MIB1: variants seen among roughly 807,000 people sequenced by gnomAD.
MIB1 encodes MIB E3 ubiquitin protein ligase 1, also known as E3 ubiquitin-protein ligase MIB1.
Under a neutral mutation model 124.5 loss-of-function variants are expected in MIB1, and 278 were observed. The ratio of observed to expected loss-of-function variants is 2.23; its 90% CI spans 2.02 to 2.47. The LOEUF (loss-of-function observed/expected upper bound fraction) is 2.47, where lower values mean the gene tolerates loss of function less well. Ranked by LOEUF, MIB1 falls within the 30% of genes most tolerant of loss-of-function variation. The pLI, the probability that MIB1 is intolerant of heterozygous loss-of-function variation, is 0.00. For synonymous variants in MIB1, 446 were observed against 429.4 expected, an observed-to-expected ratio of 1.04 and a Z score of -0.48; for missense variants, 957 against 1,254.4, an observed-to-expected ratio of 0.76 and a Z score of 3.58.
At chr18:21,735,757 C>T (rs777013121) in intron 1 of MIB1, among the ~76,000 whole-genome samples, 5 of 152,164 alleles carry the variant, frequency 3.3e-5, no homozygotes, top group East Asian at 1.9e-4. Context: ...ACAAAGCTGC[C>T]GGAAGTTCGA....
intron 13 of MIB1, among the ~76,000 whole-genome samples, chr18:21,839,326 G>A (rs992763145): frequency 6.6e-6 from 1 of 152,006 alleles, no homozygotes; most frequent in Admixed American, 6.6e-5. Flanking sequence ...TAAAATTACT[G>A]CTCTCTGTTA....
intron 6 of MIB1, among the ~76,000 whole-genome samples, chr18:21,783,671 T>C (rs536745023): frequency 3.0e-4 from 46 of 152,296 alleles, no homozygotes; most frequent in African/African-American, 1.1e-3. Flanking sequence ...TCTTCCTTTT[T>C]TTTTTCTTGC....
chr18:21,834,749 T>A (rs1189227045), intron 12 of MIB1, among the ~76,000 whole-genome samples: 1 of 151,986 alleles, frequency 6.6e-6, no homozygotes, highest in Non-Finnish European at 1.5e-5. Context: ...TCTGGGAAAC[T>A]GTCACAACCA....
chr18:21,828,794 C>T (rs2041950813), intron 12 of MIB1: 1 of 189,330 alleles, frequency 5.3e-6, no homozygotes, highest in African/African-American at 2.4e-5. Flanking sequence ...TAATTGAAAT[C>T]TACTTCACTG....
intron 1 of MIB1, among the ~76,000 whole-genome samples, chr18:21,745,009 G>A (rs1405538850): frequency 6.6e-6 from 1 of 152,188 alleles, no homozygotes; most frequent in East Asian, 1.9e-4. Flanking sequence ...CTCTATTTGA[G>A]CACATAGAAG....
intron 6 of MIB1, among the ~76,000 whole-genome samples, chr18:21,788,416 C>T (rs2041461819): frequency 1.3e-5 from 2 of 152,180 alleles, no homozygotes; most frequent in African/African-American, 4.8e-5. Context: ...CAAAATCCAA[C>T]ACCCTTTCGT....
intron 1 of MIB1, among the ~76,000 whole-genome samples, chr18:21,705,581 T>C (rs1393067916): frequency 6.6e-6 from 1 of 152,196 alleles, no homozygotes; most frequent in Non-Finnish European, 1.5e-5. Flanking sequence ...CCTACTCTTA[T>C]GAACTCCTTC....
chr18:21,725,852 A>G (rs2040739517), intron 1 of MIB1, among the ~76,000 whole-genome samples: 1 of 152,220 alleles, frequency 6.6e-6, no homozygotes, highest in African/African-American at 2.4e-5. Flanking sequence ...AGATACCATT[A>G]TTTTAATAAA....
At chr18:21,711,637 G>A (rs1205124942) in intron 1 of MIB1, among the ~76,000 whole-genome samples, 4 of 151,862 alleles carry the variant, frequency 2.6e-5, no homozygotes, top group Non-Finnish European at 5.9e-5. Context: ...GGATAAAGCC[G>A]ATGACTTTCC....
rs1309504458 is a variant in MIB1, at chr18:21,846,968, G to T, written c.2236G>T (p.Gly746Trp). 1.2e-6 allele frequency: 2 copies of T among 1,613,884 alleles called. No individual in the cohort carries two copies. The highest frequency in any genetic ancestry group is 4.5e-5 in the East Asian group (2 of 44,870). Reference sequence around the variant, plus strand: ...GTTAATAATGGGACTTGGTACCCAGGGGGCAGAGAAGAAGAGTGCAGCATC... The same window carrying T: ...GTTAATAATGGGACTTGGTACCCAGTGGGCAGAGAAGAAGAGTGCAGCATC... ...NTLIMGLGTQ[G>W]AEKKSAASIA... Residue 746 changes from glycine to tryptophan, a missense_variant, in exon 16 of 21, where the codon GGG (glycine) becomes TGG (tryptophan). Coordinates refer to ENST00000261537, the MANE Select transcript of MIB1 (RefSeq NM_020774.4).
At chr18:21,812,787 A>G (rs2041789226) in intron 10 of MIB1, among the ~76,000 whole-genome samples, 1 of 152,206 alleles carries the variant, frequency 6.6e-6, no homozygotes, top group South Asian at 2.1e-4. Context: ...AGATAATCTT[A>G]TAGAGGTTAG....
Position 21,740,846 on chromosome 18 carries a change from A to T in MIB1, c.-738A>T, listed in dbSNP as rs2040839563. ...AGTTTTCTCCTCCTTTCTTCCCGCG[A>T]TCGCGCGGCTCTCTGGAAGCCTTCC... On this transcript the variant is annotated 5_prime_UTR_variant, in exon 1 of 21. Transcript: ENST00000261537. Among the ~76,000 whole-genome samples, 1 of 152,240 alleles carries T rather than the reference A, an allele frequency of 6.6e-6. No homozygotes were observed. The highest frequency in any genetic ancestry group is 2.4e-5 in the African/African-American group (1 of 41,468).
chr18:21,777,525 T>G (rs2041304620), intron 4 of MIB1, among the ~76,000 whole-genome samples: 1 of 152,216 alleles, frequency 6.6e-6, no homozygotes, highest in Non-Finnish European at 1.5e-5. Flanking sequence ...CATTTTAGTC[T>G]AATGTAATAA....
At chr18:21,850,680 C>A (rs914795009) in intron 17 of MIB1, among the ~76,000 whole-genome samples, 2 of 152,168 alleles carry the variant, frequency 1.3e-5, no homozygotes, top group African/African-American at 4.8e-5. Context: ...GAAGGGTGAA[C>A]TAATAGCACT....
At chr18:21,780,357 T>G (rs1383941141) in intron 6 of MIB1, among the ~76,000 whole-genome samples, 1 of 152,196 alleles carries the variant, frequency 6.6e-6, no homozygotes, top group Non-Finnish European at 1.5e-5. Flanking sequence ...TGTAGTCTTG[T>G]ACGCATTTAC....
intron 10 of MIB1, among the ~76,000 whole-genome samples, chr18:21,810,440 C>T (rs2041759058): frequency 1.3e-5 from 2 of 151,966 alleles, no homozygotes; most frequent in South Asian, 4.1e-4. Context: ...CCAAAGCAAT[C>T]TTGAGAAAGA....
rs1368941184 is a variant in MIB1 at position 21,741,510 on chromosome 18, A to C, written c.-74A>C. ...ACGCCTAGAGTCCGGCCCGGGCCCA[A>C]CTCCCTCACGGGCCCCCCGGCGGCA... On this transcript the variant is annotated 5_prime_UTR_variant, in exon 1 of 21. Transcript: ENST00000261537. The surrounding 1 kb of genome is among the most constrained non-coding windows in gnomAD (Gnocchi z 5.4). 2 of 1,152,154 alleles carry C rather than the reference A, an allele frequency of 1.7e-6. No homozygotes were observed. The highest frequency in any genetic ancestry group is 1.1e-6 in the Non-Finnish European group (1 of 903,606). The allele number at this position is 1,152,154 out of a possible 1,614,324, so 71.4% of individuals were successfully genotyped here. A position where few individuals can be genotyped will look rare whatever the true frequency, so the allele number is the denominator to read the frequency against.
At position 21,783,359 on chromosome 18, in the gene MIB1, C is replaced by T. The variant is rs538405410; in HGVS notation, c.908+3674C>T. On this transcript the variant is annotated intron_variant, in intron 6 of 20. Coordinates refer to ENST00000261537, the MANE Select transcript of MIB1 (RefSeq NM_020774.4). ...CCGGGTTCAAGCAATTCTCCTGTCTCAGCCTTCCGAGTAGCTGGGACTACA... is the reference window on the plus strand; with the variant it reads ...CCGGGTTCAAGCAATTCTCCTGTCTTAGCCTTCCGAGTAGCTGGGACTACA... 8.8e-4 allele frequency among the ~76,000 whole-genome samples: 134 copies of T among 151,934 alleles called. 2 individuals carry two copies. Among genetic ancestry groups the T allele is most frequent in the Non-Finnish European group, 1.6e-4 (11 of 68,010 alleles).
chr18:21,831,549 T>C (rs1293247801), intron 12 of MIB1: 1 of 152,178 alleles, frequency 6.6e-6, no homozygotes, highest in African/African-American at 2.4e-5. Flanking sequence ...CAGCTGTCGA[T>C]TGTCGATCCA....
Sources: allele counts gnomAD v4.1 joint callset (sites outside exome capture counted in the v4.1 genomes callset), GRCh38; gene constraint gnomAD v4.1.1; non-coding constraint Gnocchi (gnomAD v3.1); transcripts MANE v1.5; gene names NCBI Gene and HGNC (gene_info 2026-07-23, HGNC 2026-07-21).